SMPD3: variants seen among roughly 807,000 people sequenced by gnomAD.
The protein encoded by SMPD3 is nSMase-2.
Under a neutral mutation model 55.7 loss-of-function variants are expected in SMPD3, and 21 were observed. The ratio of observed to expected loss-of-function variants is 0.38; its 90% CI spans 0.27 to 0.54. The LOEUF (loss-of-function observed/expected upper bound fraction) is 0.54, where lower values mean the gene tolerates loss of function less well. Ranked by LOEUF, SMPD3 falls within the 20% of genes least tolerant of loss-of-function variation. The pLI, the probability that SMPD3 is intolerant of heterozygous loss-of-function variation, is 0.80. For missense variants in SMPD3, 842 were observed against 899.6 expected (o/e 0.94, Z 0.82); for synonymous variants, 457 against 404.3 (o/e 1.13, Z -1.56).
At chr16:68,366,242 G>A (rs2089475148) in intron 3 of SMPD3, among the ~76,000 whole-genome samples, 1 of 152,228 alleles carries the variant, frequency 6.6e-6, no homozygotes, top group Non-Finnish European at 1.5e-5. Context: ...TGCTCCAACA[G>A]CCTCGGCAGG....
At chr16:68,387,736 C>A (rs1414475782) in intron 1 of SMPD3, among the ~76,000 whole-genome samples, 3 of 152,246 alleles carry the variant, frequency 2.0e-5, no homozygotes, top group Non-Finnish European at 4.4e-5. Flanking sequence ...AGCCCTCTTA[C>A]CACCCCTCCA....
At chr16:68,385,121 A>G (rs1451388570) in intron 2 of SMPD3, among the ~76,000 whole-genome samples, 1 of 152,162 alleles carries the variant, frequency 6.6e-6, no homozygotes, top group African/African-American at 2.4e-5. Flanking sequence ...CTGGGGGTGC[A>G]TTTATACTGC....
intron 2 of SMPD3, among the ~76,000 whole-genome samples, chr16:68,375,591 G>A (rs982264924): frequency 6.6e-5 from 10 of 152,176 alleles, no homozygotes; most frequent in African/African-American, 2.4e-4. Flanking sequence ...ATCTGCTATT[G>A]GCTGAGATGG....
chr16:68,389,494 G>A (rs569194500), intron 1 of SMPD3, among the ~76,000 whole-genome samples: 1 of 152,280 alleles, frequency 6.6e-6, no homozygotes, highest in Admixed American at 6.5e-5. Context: ...CTCTCTCCAA[G>A]CCTCAGTTGC....
rs117993033 is a variant in SMPD3 at position 68,364,787 on chromosome 16, C to G, written c.1519G>C (p.Val507Leu). ...NPEELVAFDV[V>L]CGDFNFDNCS... ...TTATCAAAGTTGAAATCTCCACAGA[C>G]GACGTCAAATGCCACCAGCTCCTCG... Residue 507 changes from valine to leucine, a missense_variant, in exon 5 of 9, where the codon GTC (valine) becomes CTC (leucine). Physicochemically the swap from Val to Leu is conservative, Grantham distance 32. This residue lies in a region of SMPD3 where 649 missense variants were observed against 643.6 expected (regional missense o/e 1.01). Transcript: ENST00000219334. 1 of 1,613,748 alleles carries G rather than the reference C, an allele frequency of 6.2e-7. No individual in the cohort carries two copies. Among genetic ancestry groups the G allele is most frequent in the Non-Finnish European group, 8.5e-7 (1 of 1,180,016 alleles).
chr16:68,365,234 C>A lies in SMPD3; in HGVS notation c.1324-142G>T, dbSNP rs914121570. 7 of 777,826 alleles carry A rather than the reference C, an allele frequency of 9.0e-6. No homozygotes were observed. In the East Asian group the frequency reaches 1.9e-4, roughly 21 times the overall value. 48.2% of individuals were successfully genotyped at this position (777,826 alleles called of 1,614,324 possible). ...CTGGATTCTGGGGTCCGAGTAGGGA[C>A]AGGATGTGTCCTGCTTCTAGGGACT... On this transcript the variant is annotated intron_variant, in intron 3 of 8. Transcript: ENST00000219334.
chr16:68,424,904 G>T (rs941712222), intron 1 of SMPD3, among the ~76,000 whole-genome samples: 1 of 152,122 alleles, frequency 6.6e-6, no homozygotes, highest in Non-Finnish European at 1.5e-5. Context: ...TAGAGACAGG[G>T]TTTCACCAAG....
rs1012096264 is a variant in SMPD3, at chr16:68,372,292, C to T, written c.-111G>A. The T allele has an allele frequency of 7.1e-7, 1 of 1,412,504 alleles. No individual in the cohort carries two copies. Among genetic ancestry groups the T allele is most frequent in the Non-Finnish European group, 9.6e-7 (1 of 1,036,808 alleles). 87.5% of individuals were successfully genotyped at this position (1,412,504 alleles called of 1,614,324 possible). ...TGGGGGCAGCTGGAGGAGGGGTCACCTCCTGGCGAGATGCAACTCCGGCTG... is the reference window on the plus strand; with the variant it reads ...TGGGGGCAGCTGGAGGAGGGGTCACTTCCTGGCGAGATGCAACTCCGGCTG... On this transcript the variant is annotated 5_prime_UTR_variant, in exon 3 of 9. Transcript: ENST00000219334.
intron 1 of SMPD3, among the ~76,000 whole-genome samples, chr16:68,420,959 C>T (rs896428773): frequency 2.6e-5 from 4 of 152,232 alleles, no homozygotes; most frequent in African/African-American, 9.6e-5. Context: ...GGGCATTCTC[C>T]ATCCCTGGGG....
intron 1 of SMPD3, among the ~76,000 whole-genome samples, chr16:68,446,905 T>C (rs530082159): frequency 1.1e-4 from 16 of 152,150 alleles, no homozygotes; most frequent in South Asian, 4.1e-4. Flanking sequence ...GGCCTTAGGG[T>C]AGGGGGTATG....
At chr16:68,426,252 T>C (rs1567808259) in intron 1 of SMPD3, among the ~76,000 whole-genome samples, 1 of 152,242 alleles carries the variant, frequency 6.6e-6, no homozygotes, top group Non-Finnish European at 1.5e-5. Flanking sequence ...GCCCCACGGA[T>C]GTCAGACACA....
At chr16:68,366,711 C>CA (rs1336287804) in intron 3 of SMPD3, among the ~76,000 whole-genome samples, 1 of 152,156 alleles carries the variant, frequency 6.6e-6, no homozygotes, top group South Asian at 2.1e-4. Flanking sequence ...ACTAAGAATA[C>CA]AAAAATTAGC....
chr16:68,426,094 T>C (rs2090434175), intron 1 of SMPD3, among the ~76,000 whole-genome samples: 1 of 152,212 alleles, frequency 6.6e-6, no homozygotes, highest in Non-Finnish European at 1.5e-5. Context: ...ATAGAGGCTC[T>C]ATTTTAGCCA....
At chr16:68,410,462 G>A (rs1204809822) in intron 1 of SMPD3, among the ~76,000 whole-genome samples, 1 of 152,122 alleles carries the variant, frequency 6.6e-6, no homozygotes, top group Non-Finnish European at 1.5e-5. Context: ...CCAGCCTCAG[G>A]CTATTTGGGC....
At chr16:68,440,799 C>A (rs1355972959) in intron 1 of SMPD3, among the ~76,000 whole-genome samples, 1 of 152,190 alleles carries the variant, frequency 6.6e-6, no homozygotes, top group Admixed American at 6.5e-5. Context: ...TTGTCATTCC[C>A]CTGATTCCCC....
At chr16:68,434,946 C>A (rs1348340994) in intron 1 of SMPD3, among the ~76,000 whole-genome samples, 1 of 152,146 alleles carries the variant, frequency 6.6e-6, no homozygotes, top group Non-Finnish European at 1.5e-5. Context: ...ATGCCTGGAG[C>A]AGGAGAGTGG....
chr16:68,371,266 G>T lies in SMPD3; in HGVS notation c.916C>A (p.Arg306=). Residue 306 remains arginine (R), a synonymous_variant, in exon 3 of 9, where the codon CGA becomes AGA. Transcript: ENST00000219334. ...SASRESLVKG[R]AGPDTSASGE... ...CTGGCACTGGTGTCTGGCCCAGCTC[G>T]CCCCTTCACCAGGGACTCCCGGGAG... 1 of 1,605,924 alleles carries T rather than the reference G, an allele frequency of 6.2e-7. No individual in the cohort carries two copies. Among genetic ancestry groups the T allele is most frequent in the South Asian group, 1.1e-5 (1 of 90,522 alleles).
chr16:68,408,188 TA>T (rs2090268514), intron 1 of SMPD3, among the ~76,000 whole-genome samples: 2 of 152,216 alleles, frequency 1.3e-5, no homozygotes, highest in African/African-American at 4.8e-5. Context: ...CATGGATTTT[TA>T]AAACATTATT....
chr16:68,361,870 A>G, intron 7 of SMPD3, 111 bp from the exon 8 acceptor site: 1 of 1,408,738 alleles, frequency 7.1e-7, no homozygotes, highest in Admixed American at 2.2e-5. Flanking sequence ...GGTGGGTGGG[A>G]CCAAAGCGCT....
Sources: gnomAD v4.1 joint callset for allele counts (sites outside exome capture counted in the v4.1 genomes callset) on GRCh38, gnomAD v4.1.1 for gene constraint, gnomAD v4.1.1 regional missense constraint, MANE v1.5 for transcripts, NCBI Gene and HGNC (gene_info 2026-07-23, HGNC 2026-07-21) for gene names.